Variants in PROM1 observed in about 807,000 individuals in gnomAD.
PROM1 encodes the protein prominin 1.
In PROM1, 105 loss-of-function variants were observed where a neutral mutation model predicts 116.9. The observed-to-expected ratio is 0.90, with a 90% CI of 0.77 to 1.06. The LOEUF is 1.06. PROM1 is among the 50% of genes least tolerant of loss of function. The pLI is 0.00. For missense variants in PROM1, 1,122 were observed against 1,045.2 expected, an observed-to-expected ratio of 1.07 and a Z score of -1.01; for synonymous variants, 393 against 387.0, an observed-to-expected ratio of 1.02 and a Z score of -0.18.
intron 2 of PROM1, among the ~76,000 whole-genome samples, chr4:16,040,335 G>A (rs746602603): frequency 3.3e-5 from 5 of 152,116 alleles, no homozygotes; most frequent in African/African-American, 7.2e-5. Context: ...ACAGTACCTC[G>A]GGGGCTGCCC....
At chr4:16,052,592 C>T (rs1738135024) in intron 2 of PROM1, among the ~76,000 whole-genome samples, 2 of 152,142 alleles carry the variant, frequency 1.3e-5, no homozygotes, top group African/African-American at 4.8e-5. Flanking sequence ...ATCCTCCCAC[C>T]TCAGTCTCCT....
intron 13 of PROM1, among the ~76,000 whole-genome samples, chr4:16,001,263 G>A (rs974428214): frequency 3.3e-5 from 5 of 152,158 alleles, no homozygotes; most frequent in Admixed American, 6.5e-5. Flanking sequence ...GCCAGGGAGC[G>A]CTGATGCTCT....
intron 2 of PROM1, among the ~76,000 whole-genome samples, chr4:16,058,085 A>G (rs773951589): frequency 1.6e-4 from 25 of 152,206 alleles, no homozygotes; most frequent in Non-Finnish European, 2.2e-4. Context: ...CAAAGAGGAA[A>G]CTGGGACATA....
At chr4:16,039,094 T>A (rs1734595809) in intron 2 of PROM1, 93 bp from the exon 3 acceptor site, 2 of 1,010,538 alleles carry the variant, frequency 2.0e-6, no homozygotes, top group Middle Eastern at 3.4e-4. Context: ...TTAAAAATTA[T>A]TATACCTATA....
rs549322458 is a variant in PROM1 at position 15,994,452 on chromosome 4, A to G, written c.1683-381T>C. On this transcript the variant is annotated intron_variant, in intron 15 of 27. Transcript: ENST00000447510. Reference sequence around the variant, plus strand: ...CAGAGTAGATTATGAACTTCATTAAATGATTCTATGAAGCTCCTGCCAAGA... The same window carrying G: ...CAGAGTAGATTATGAACTTCATTAAGTGATTCTATGAAGCTCCTGCCAAGA... Among the ~76,000 whole-genome samples the G allele has an allele frequency of 6.6e-4, 101 of 152,360 alleles. 1 individual carries two copies. Among genetic ancestry groups the G allele is most frequent in the African/African-American group, 2.3e-3 (97 of 41,580 alleles).
intron 2 of PROM1, among the ~76,000 whole-genome samples, chr4:16,054,860 G>A (rs977744136): frequency 6.6e-6 from 1 of 151,774 alleles, no homozygotes. Flanking sequence ...GTTCCGGGGG[G>A]GAAAAAAATC....
intron 1 of PROM1, among the ~76,000 whole-genome samples, chr4:16,080,212 T>G (rs1293423820): frequency 6.8e-6 from 1 of 146,436 alleles, no homozygotes; most frequent in African/African-American, 2.5e-5. Flanking sequence ...AGAACTGCAT[T>G]TCAATACTGG....
At position 15,968,408 on chromosome 4, in the gene PROM1, G is replaced by C. The variant is rs937617123; in HGVS notation, c.*985C>G. On this transcript the variant is annotated 3_prime_UTR_variant, in exon 28 of 28. Transcript: ENST00000447510. ...CCAACATGAAACTCCTGAAGCAAAT[G>C]AATATTTACCTTGTGCTTTCATGCA... is the stretch of plus-strand genomic sequence containing the variant. 2 of 152,144 alleles carry C rather than the reference G, an allele frequency of 1.3e-5. No homozygotes were observed. The highest frequency in any genetic ancestry group is 3.9e-4 in the East Asian group (2 of 5,194). 9.4% of individuals were successfully genotyped at this position (152,144 alleles called of 1,614,324 possible). A position where few individuals can be genotyped will look rare whatever the true frequency, so the allele number is the denominator to read the frequency against.
intron 2 of PROM1, among the ~76,000 whole-genome samples, chr4:16,069,319 C>T (rs982687559): frequency 7.9e-5 from 12 of 152,146 alleles, no homozygotes; most frequent in African/African-American, 2.9e-4. Flanking sequence ...ACAGAGGAGA[C>T]GTATTTCCTT....
At chr4:16,078,320 T>C (rs1174279551) in intron 1 of PROM1, 1 of 152,224 alleles carries the variant, frequency 6.6e-6, no homozygotes, top group Admixed American at 6.5e-5. Context: ...GGGAAAGAAA[T>C]AGCAGCAGAG....
chr4:16,072,732 G>C (rs2149570108), intron 2 of PROM1, among the ~76,000 whole-genome samples: 1 of 152,334 alleles, frequency 6.6e-6, no homozygotes, highest in East Asian at 1.9e-4. Context: ...AGGTCACAAA[G>C]TTCTAAACCT....
In PROM1 at chr4:16,018,358, G is replaced by C; in HGVS notation, c.967C>G (p.Leu323Val). Residue 323 changes from leucine to valine, a missense_variant, in exon 9 of 28, where the codon CTA (leucine) becomes GTA (valine). Physicochemically the swap from Leu to Val is conservative, Grantham distance 32. Coordinates refer to ENST00000447510, the MANE Select transcript of PROM1 (RefSeq NM_006017.3). ...TCAGGGTTGCTATTCAGCTGGCTTA[G>C]AGACAATCTGATGCTGTTGCAGGTT... ...SETCNSIRLS[L>V]SQLNSNPELR... The C allele has an allele frequency of 6.2e-7, 1 of 1,613,618 alleles. No individual in the cohort carries two copies. Among genetic ancestry groups the C allele is most frequent in the Non-Finnish European group, 8.5e-7 (1 of 1,179,904 alleles).
Position 16,008,959 on chromosome 4 carries a change from C to A in PROM1, c.1291G>T (p.Asp431Tyr). 1 of 1,587,752 alleles carries A rather than the reference C, an allele frequency of 6.3e-7. No individual in the cohort carries two copies. Among genetic ancestry groups the A allele is most frequent in the South Asian group, 1.1e-5 (1 of 90,054 alleles). Residue 431 changes from aspartate (D) to tyrosine (Y), a missense_variant, in exon 12 of 28, where the codon GAT (aspartate) becomes TAT (tyrosine). Physicochemically the swap from Asp to Tyr is radical, Grantham distance 160. Transcript: ENST00000447510. ...CAAGGAGACACTCACCAGTATGAATCATACTCTTCCAATGTAGGTAAATTT... is the reference window on the plus strand; with the variant it reads ...CAAGGAGACACTCACCAGTATGAATAATACTCTTCCAATGTAGGTAAATTT... ...HRNLPTLEEY[D>Y]SYWWLGGLVI...
chr4:16,002,766 G>A (rs779988350), intron 13 of PROM1, among the ~76,000 whole-genome samples: 1 of 152,038 alleles, frequency 6.6e-6, no homozygotes, highest in Admixed American at 6.6e-5. Context: ...TCTAAAAAGG[G>A]CACCATGACT....
At chr4:15,970,993 C>G in intron 27 of PROM1, 50 bp downstream of exon 27, 1 of 1,439,938 alleles carries the variant, frequency 6.9e-7, no homozygotes, top group South Asian at 1.2e-5. Flanking sequence ...GTTCTAAAAA[C>G]TAAAAACTAT....
intron 13 of PROM1, among the ~76,000 whole-genome samples, chr4:16,002,743 A>G (rs866681541): frequency 1.1e-4 from 17 of 152,186 alleles, no homozygotes; most frequent in African/African-American, 3.9e-4. Flanking sequence ...ACTCATATAA[A>G]CCAAGACAGC....
chr4:16,040,253 G>C (rs1332924508), intron 2 of PROM1, among the ~76,000 whole-genome samples: 1 of 143,568 alleles, frequency 7.0e-6, no homozygotes, highest in Non-Finnish European at 1.5e-5. Context: ...ATGGGCTGAT[G>C]TTTAAAGATT....
intron 2 of PROM1, among the ~76,000 whole-genome samples, chr4:16,047,888 G>C (rs889225583): frequency 1.3e-5 from 2 of 152,136 alleles, no homozygotes; most frequent in African/African-American, 4.8e-5. Context: ...GCCACACATA[G>C]TCTCTGAGGA....
chr4:16,054,448 T>C (rs1379305315), intron 2 of PROM1, among the ~76,000 whole-genome samples: 2 of 152,140 alleles, frequency 1.3e-5, no homozygotes, highest in Non-Finnish European at 2.9e-5. Context: ...AGCATAATCA[T>C]TACCAGCGCT....
Sources: gnomAD v4.1 joint callset for allele counts (sites outside exome capture counted in the v4.1 genomes callset) on GRCh38, gnomAD v4.1.1 for gene constraint, MANE v1.5 for transcripts, NCBI Gene and HGNC (gene_info 2026-07-23, HGNC 2026-07-21) for gene names.